The following CTSB variants were observed in gnomAD, a reference collection of about 807,000 sequenced individuals.
The protein encoded by CTSB is cathepsin B.
A neutral mutation model predicts 44.3 loss-of-function variants in CTSB; 57 were observed. That is an observed-to-expected ratio of 1.29 (90% CI 1.04 to 1.60). CTSB has a LOEUF of 1.60. Ranked by LOEUF, CTSB falls within the 40% of genes most tolerant of loss-of-function variation. The pLI is 0.00. For synonymous variants in CTSB, 320 were observed against 168.0 expected, an observed-to-expected ratio of 1.91 and a Z score of -7.00; for missense variants, 768 against 443.0, an observed-to-expected ratio of 1.73 and a Z score of -6.59.
chr8:11,849,405 C>T (rs1814120118), intron 4 of CTSB: 1 of 330,092 alleles, frequency 3.0e-6, no homozygotes, highest in Admixed American at 3.8e-5. Flanking sequence ...CTTGGCCTCC[C>T]AAAGTGCTGG....
chr8:11,845,875 C>G (rs560756918), intron 8 of CTSB, 86 bp from the exon 9 acceptor site: 10 of 1,446,060 alleles, frequency 6.9e-6, no homozygotes, highest in African/African-American at 2.9e-5. Flanking sequence ...GGTCATGCTC[C>G]GGGAAGGAGA....
chr8:11,845,838 G>T, intron 8 of CTSB, 49 bp from the exon 9 acceptor site: 2 of 1,555,520 alleles, frequency 1.3e-6, no homozygotes, highest in East Asian at 4.6e-5. Context: ...ACTGTCCCAC[G>T]CCCCACAGCA....
intron 1 of CTSB, among the ~76,000 whole-genome samples, chr8:11,862,058 A>T (rs1351716512): frequency 6.6e-6 from 1 of 152,046 alleles, no homozygotes; most frequent in Non-Finnish European, 1.5e-5. Context: ...ATACAAAAAA[A>T]TAGCCAGGCA....
At chr8:11,855,740 C>T (rs1034635575) in intron 1 of CTSB, among the ~76,000 whole-genome samples, 2 of 151,962 alleles carry the variant, frequency 1.3e-5, no homozygotes, top group Admixed American at 6.6e-5. Context: ...TAAGTTCAAC[C>T]GGCATGGTGG....
intron 1 of CTSB, among the ~76,000 whole-genome samples, chr8:11,858,587 G>C (rs1161989316): frequency 6.6e-6 from 1 of 152,186 alleles, no homozygotes. Flanking sequence ...ACCATGCCCA[G>C]TAAAACAAGC....
Position 11,842,909 on chromosome 8 carries a change from T to C in CTSB, c.*2216A>G, listed in dbSNP as rs1056057597. The C allele has an allele frequency of 6.7e-6, 1 of 149,394 alleles. No individual in the cohort carries two copies. The highest frequency in any genetic ancestry group is 1.5e-5 in the Non-Finnish European group (1 of 67,778). 9.3% of individuals were successfully genotyped at this position (149,394 alleles called of 1,614,324 possible). A position where few individuals can be genotyped will look rare whatever the true frequency, so the allele number is the denominator to read the frequency against. ...GCCTCAGCCTCCCAAAGTGCTGGGA[T>C]TACAGGCTTGAGCCACTGCGCCCGG... On this transcript the variant is annotated 3_prime_UTR_variant, in exon 10 of 10. Coordinates refer to ENST00000353047, the MANE Select transcript of CTSB (RefSeq NM_001908.5).
chr8:11,848,047 G>A lies in CTSB; in HGVS notation c.532+20C>T, dbSNP rs1435604576. 1.3e-6 allele frequency: 2 copies of A among 1,582,430 alleles called. No homozygotes were observed. Among genetic ancestry groups the A allele is most frequent in the Non-Finnish European group, 1.7e-6 (2 of 1,155,720 alleles). On this transcript the variant is annotated intron_variant, in intron 6 of 9. Coordinates refer to ENST00000353047, the MANE Select transcript of CTSB (RefSeq NM_001908.5). ...CAAACAATCCATCTGGCCAGAAAGT[G>A]GCCAAGGGGACACACTTACCTACAT...
intron 1 of CTSB, among the ~76,000 whole-genome samples, chr8:11,858,656 C>T (rs1049805635): frequency 6.6e-6 from 1 of 152,230 alleles, no homozygotes; most frequent in Non-Finnish European, 1.5e-5. Flanking sequence ...TCTTGAGGGT[C>T]CCGAGACTGC....
chr8:11,850,094 CTG>C (rs1814271383), intron 4 of CTSB: 1 of 152,116 alleles, frequency 6.6e-6, no homozygotes, highest in Admixed American at 6.6e-5. Flanking sequence ...CTGAGCAACA[CTG>C]TGAATGTACT....
chr8:11,846,332 A>G (rs1291923054), intron 8 of CTSB: 2 of 152,156 alleles, frequency 1.3e-5, no homozygotes, highest in Non-Finnish European at 2.9e-5. Flanking sequence ...TGCATCTTTT[A>G]ATAATAAGGG....
intron 4 of CTSB, chr8:11,849,625 G>A (rs1191116086): frequency 6.6e-6 from 1 of 151,960 alleles, no homozygotes; most frequent in African/African-American, 2.5e-5. Flanking sequence ...TTGTTGCCCA[G>A]GCTGGAATGC....
chr8:11,864,862 G>A (rs889872190), intron 1 of CTSB, among the ~76,000 whole-genome samples: 1 of 151,736 alleles, frequency 6.6e-6, no homozygotes, highest in Non-Finnish European at 1.5e-5. Context: ...GCAGTGAGCT[G>A]AGATTGTGCC....
rs571346217 is a variant in CTSB at position 11,856,181 on chromosome 8, G to T, written c.-25-2702C>A. ...GGGGAAACGGAAGGCATGATAATGA[G>T]TGCCTGGGGTGGGTGGGCACAACCA... On this transcript the variant is annotated intron_variant, in intron 1 of 9. Coordinates refer to ENST00000353047, the MANE Select transcript of CTSB (RefSeq NM_001908.5). 5.8e-4 allele frequency among the ~76,000 whole-genome samples: 88 copies of T among 152,206 alleles called. 2 individuals carry two copies. In the South Asian group the frequency reaches 0.017, roughly 30 times the overall value.
At chr8:11,846,929 C>G (rs186436580) in intron 8 of CTSB, 123 bp downstream of exon 8, 4 of 697,554 alleles carry the variant, frequency 5.7e-6, no homozygotes, top group Non-Finnish European at 1.0e-5. Flanking sequence ...CCCCACACAG[C>G]CCTCTTCCCC....
At chr8:11,862,963 A>G (rs1299805428) in intron 1 of CTSB, among the ~76,000 whole-genome samples, 3 of 152,218 alleles carry the variant, frequency 2.0e-5, no homozygotes, top group Non-Finnish European at 4.4e-5. Context: ...GTAAAGACAG[A>G]TAACACAGTC....
chr8:11,863,692 G>A (rs957729492), intron 1 of CTSB, among the ~76,000 whole-genome samples: 51 of 152,122 alleles, frequency 3.4e-4, no homozygotes, highest in Middle Eastern at 3.2e-3. Flanking sequence ...CTACAGCAAA[G>A]ATTAAATTTG....
chr8:11,847,961 C>A (rs1047492075), intron 6 of CTSB, 106 bp downstream of exon 6: 2 of 1,329,266 alleles, frequency 1.5e-6, no homozygotes, highest in African/African-American at 2.9e-5. Context: ...CACCTCTCAG[C>A]AGCCCCTCTG....
rs762550595 is a variant in CTSB, at chr8:11,853,447, T to G, written c.8A>C (p.Gln3Pro). 1.0e-4 allele frequency: 169 copies of G among 1,611,546 alleles called. 1 individual carries two copies. The Middle Eastern group carries it at 1.5e-3, about 14-fold the overall frequency. ...CAGGCAGCAGAGGGAGGCCCAGAGC[T>G]GCCACATGTTGGAAGCCGGATCCTA... The part of the protein sequence containing the change: MW[Q>P]LWASLCCLLV... Residue 3 changes from glutamine (Q) to proline (P), a missense_variant, in exon 2 of 10, where the codon CAG becomes CCG. Coordinates refer to ENST00000353047, the MANE Select transcript of CTSB (RefSeq NM_001908.5).
chr8:11,862,688 G>C (rs1586196894), intron 1 of CTSB, among the ~76,000 whole-genome samples: 1 of 152,364 alleles, frequency 6.6e-6, no homozygotes, highest in Middle Eastern at 3.4e-3. Flanking sequence ...CCTGTGGCTG[G>C]CACCGCCCTC....
Sources: allele counts gnomAD v4.1 joint callset (sites outside exome capture counted in the v4.1 genomes callset), GRCh38; gene constraint gnomAD v4.1.1; transcripts MANE v1.5; gene names NCBI Gene and HGNC (gene_info 2026-07-23, HGNC 2026-07-21).